KCNK13: variants seen among roughly 807,000 people sequenced by gnomAD.
KCNK13 encodes the protein potassium channel subfamily K member 13.
In KCNK13, 12 loss-of-function variants were observed where a neutral mutation model predicts 23.4. The ratio of observed to expected loss-of-function variants is 0.51; its 90% confidence interval spans 0.33 to 0.83. The LOEUF is 0.83. Among genes scored for constraint, KCNK13 ranks in the 40% least tolerant of loss-of-function variants. KCNK13 has a pLI of 0.02. For missense variants in KCNK13, 463 were observed against 556.3 expected, an observed-to-expected ratio of 0.83 and a Z score of 1.69; for synonymous variants, 231 against 229.5, an observed-to-expected ratio of 1.01 and a Z score of -0.06.
At chr14:90,108,352 G>C (rs1889571636) in intron 1 of KCNK13, among the ~76,000 whole-genome samples, 1 of 152,122 alleles carries the variant, frequency 6.6e-6, no homozygotes, top group African/African-American at 2.4e-5. Flanking sequence ...TGTTTCTACA[G>C]ACTCCTTCTC....
intron 1 of KCNK13, among the ~76,000 whole-genome samples, chr14:90,174,026 G>A (rs1890394414): frequency 6.6e-6 from 1 of 152,128 alleles, no homozygotes; most frequent in Admixed American, 6.5e-5. Context: ...TCAGATCTCG[G>A]CCAGGCGCAG....
chr14:90,092,589 A>T (rs1889361473), intron 1 of KCNK13, among the ~76,000 whole-genome samples: 1 of 152,146 alleles, frequency 6.6e-6, no homozygotes, highest in African/African-American at 2.4e-5. Context: ...AAAGATACAG[A>T]AGACCAGCTT....
At chr14:90,110,130 G>A (rs375138561) in intron 1 of KCNK13, among the ~76,000 whole-genome samples, 5 of 152,204 alleles carry the variant, frequency 3.3e-5, no homozygotes, top group East Asian at 1.9e-4. Flanking sequence ...TAGGGGCAGC[G>A]TTGCCCCTGT....
At chr14:90,139,020 C>T (rs538376974) in intron 1 of KCNK13, among the ~76,000 whole-genome samples, 6 of 152,176 alleles carry the variant, frequency 3.9e-5, no homozygotes, top group South Asian at 4.2e-4. Context: ...TGTTTTGTTC[C>T]GTTAATCAGG....
intron 1 of KCNK13, among the ~76,000 whole-genome samples, chr14:90,072,858 T>C (rs575207907): frequency 1.3e-5 from 2 of 152,342 alleles, no homozygotes; most frequent in South Asian, 4.1e-4. Flanking sequence ...GATTTTTTTT[T>C]TACTATTGCA....
intron 1 of KCNK13, among the ~76,000 whole-genome samples, chr14:90,134,538 GACAC>G (rs144795399): frequency 6.6e-6 from 1 of 151,902 alleles, no homozygotes. Context: ...GATGTTTGTA[GACAC>G]ACACACACAC....
At chr14:90,091,928 C>CT (rs753251792) in intron 1 of KCNK13, among the ~76,000 whole-genome samples, 22,540 of 135,628 alleles carry the variant, frequency 0.17, 2,474 homozygotes, top group African/African-American at 0.27. Context: ...AAGAGAACTC[C>CT]TTTTTTTTTT....
At chr14:90,154,416 T>A (rs1304888526) in intron 1 of KCNK13, among the ~76,000 whole-genome samples, 6 of 151,924 alleles carry the variant, frequency 3.9e-5, no homozygotes. Flanking sequence ...CTACCTACAG[T>A]GCCATGGTCT....
chr14:90,121,650 G>A (rs1044368163), intron 1 of KCNK13, among the ~76,000 whole-genome samples: 13 of 152,216 alleles, frequency 8.5e-5, no homozygotes, highest in East Asian at 3.9e-4. Context: ...ATCACTCATC[G>A]CCCACTGTTA....
intron 1 of KCNK13, among the ~76,000 whole-genome samples, chr14:90,087,255 G>A (rs994840965): frequency 2.7e-5 from 4 of 150,554 alleles, no homozygotes; most frequent in African/African-American, 9.8e-5. Flanking sequence ...CAAAGTGCTG[G>A]GATTACAGGC....
At chr14:90,183,335 A>G (rs1239569196) in intron 1 of KCNK13, among the ~76,000 whole-genome samples, 2 of 152,106 alleles carry the variant, frequency 1.3e-5, no homozygotes, top group Admixed American at 6.5e-5. Context: ...ATTTCTATGT[A>G]TGCTAGAAAT....
At chr14:90,139,998 A>G (rs1216215096) in intron 1 of KCNK13, among the ~76,000 whole-genome samples, 1 of 152,178 alleles carries the variant, frequency 6.6e-6, no homozygotes, top group Non-Finnish European at 1.5e-5. Context: ...AGGAACGTGC[A>G]CAGTGGTCCA....
At chr14:90,126,472 C>T (rs564129686) in intron 1 of KCNK13, among the ~76,000 whole-genome samples, 3 of 149,398 alleles carry the variant, frequency 2.0e-5, no homozygotes, top group South Asian at 2.1e-4. Context: ...CGTGACGTGA[C>T]GTGATGAGAA....
At position 90,062,084 on chromosome 14, in the gene KCNK13, A is replaced by C. The variant is rs1888947563; in HGVS notation, c.-122A>C. On this transcript the variant is annotated 5_prime_UTR_variant, in exon 1 of 2. Transcript: ENST00000282146. The surrounding 1 kb of genome is among the most constrained non-coding windows in gnomAD (Gnocchi z 4.5). ...CGGGAGAGCCCGGCGGTCATGGGCG[A>C]GCCGGCGGTGGGGCGCCCGGGAGCT... is the stretch of plus-strand genomic sequence containing the variant. 14 of 577,934 alleles carry C rather than the reference A, an allele frequency of 2.4e-5. No individual in the cohort carries two copies. Among genetic ancestry groups the C allele is most frequent in the South Asian group, 5.1e-5 (1 of 19,442 alleles). 35.8% of individuals were successfully genotyped at this position (577,934 alleles called of 1,614,324 possible).
chr14:90,064,820 G>C (rs1888989233), intron 1 of KCNK13, among the ~76,000 whole-genome samples: 1 of 152,126 alleles, frequency 6.6e-6, no homozygotes, highest in Non-Finnish European at 1.5e-5. Flanking sequence ...TTCACTAATT[G>C]TTGTAATAAC....
chr14:90,105,649 G>C (rs769336762), intron 1 of KCNK13, among the ~76,000 whole-genome samples: 1 of 151,708 alleles, frequency 6.6e-6, no homozygotes, highest in Non-Finnish European at 1.5e-5. Flanking sequence ...AATCAAGGAA[G>C]TTGTTTTTTT....
intron 1 of KCNK13, among the ~76,000 whole-genome samples, chr14:90,175,015 C>T (rs1029625897): frequency 6.6e-6 from 1 of 152,132 alleles, no homozygotes; most frequent in Non-Finnish European, 1.5e-5. Context: ...CCTCAGCTCC[C>T]CCTTATCTGA....
intron 1 of KCNK13, among the ~76,000 whole-genome samples, chr14:90,113,262 C>T: frequency 6.6e-6 from 1 of 151,984 alleles, no homozygotes; most frequent in Non-Finnish European, 1.5e-5. Context: ...TACTGGTTTA[C>T]CTGCATGGAA....
At chr14:90,070,801 G>A (rs1192763889) in intron 1 of KCNK13, among the ~76,000 whole-genome samples, 1 of 152,208 alleles carries the variant, frequency 6.6e-6, no homozygotes, top group Non-Finnish European at 1.5e-5. Flanking sequence ...TATAGCTGAG[G>A]AGCAATGTGT....
Sources: allele counts gnomAD v4.1 joint callset (sites outside exome capture counted in the v4.1 genomes callset), GRCh38; gene constraint gnomAD v4.1.1; non-coding constraint Gnocchi (gnomAD v3.1); transcripts MANE v1.5; gene names NCBI Gene and HGNC (gene_info 2026-07-23, HGNC 2026-07-21).